Variants in FCAMR observed in about 807,000 individuals in gnomAD.
FCAMR encodes high affinity immunoglobulin alpha and immunoglobulin mu Fc receptor.
FCAMR carries 51 observed loss-of-function variants against 52.2 expected under a neutral mutation model. The ratio of observed to expected loss-of-function variants is 0.98; its 90% CI spans 0.78 to 1.23. FCAMR has a LOEUF of 1.23. Ranked by LOEUF, FCAMR falls within the 50% of genes most tolerant of loss-of-function variation. The pLI is 0.00. For missense variants in FCAMR, 719 were observed against 712.6 expected, an observed-to-expected ratio of 1.01 and a Z score of -0.10; for synonymous variants, 282 against 262.0, an observed-to-expected ratio of 1.08 and a Z score of -0.74.
chr1:206,967,202 G>A (rs1680749697), intron 2 of FCAMR, 90 bp from the exon 3 acceptor site: 1 of 1,395,112 alleles, frequency 7.2e-7, no homozygotes, highest in Non-Finnish European at 1.0e-6. Context: ...CTCACTTTGG[G>A]ATCTCGGTTT....
Position 206,959,673 on chromosome 1 carries a change from A to T in FCAMR, c.1573+6T>A, listed in dbSNP as rs750446600. ...TTCTATCTAGCCTTGGGGCTACTCA[A>T]CTCACAGGTCCTCCTTCTCCAGAGC... On this transcript the variant is annotated splice_donor_region_variant and intron_variant, in intron 7 of 7. Coordinates refer to ENST00000324852, the MANE Select transcript of FCAMR (RefSeq NM_001170631.2). 3 of 1,611,414 alleles carry T rather than the reference A, an allele frequency of 1.9e-6. No homozygotes were observed.
chr1:206,966,732 G>A (rs1370638609), intron 3 of FCAMR, among the ~76,000 whole-genome samples: 3 of 152,180 alleles, frequency 2.0e-5, no homozygotes, highest in African/African-American at 7.2e-5. Context: ...TTTTAAGCCA[G>A]TTGTTAATCC....
intron 1 of FCAMR, among the ~76,000 whole-genome samples, chr1:206,968,290 T>A (rs558847712): frequency 2.0e-5 from 3 of 152,272 alleles, no homozygotes; most frequent in African/African-American, 7.2e-5. Flanking sequence ...AGTGAGCCCG[T>A]GCCACTGCAC....
In FCAMR at chr1:206,970,403, G is replaced by A. The variant is rs1680890729; in HGVS notation, c.-278C>T. The A allele has an allele frequency of 4.9e-6, 2 of 406,630 alleles. No individual in the cohort carries two copies. The highest frequency in any genetic ancestry group is 8.8e-6 in the Non-Finnish European group (2 of 227,178). The allele number at this position is 406,630 out of a possible 1,614,324, so 25.2% of individuals were successfully genotyped here. On this transcript the variant is annotated 5_prime_UTR_variant, in exon 1 of 8. Transcript: ENST00000324852. ...ACTTATTCCTGAAGAACTTTTCCAG[G>A]AGTGGTAACAGTAGCTTCAAAAAAG...
At chr1:206,962,180 A>G in intron 5 of FCAMR, 33 bp downstream of exon 5, 1 of 1,595,820 alleles carries the variant, frequency 6.3e-7, no homozygotes, top group Non-Finnish European at 8.6e-7. Context: ...AACGTGCTTC[A>G]CCAAGCTTGG....
At chr1:206,967,794 A>G in intron 1 of FCAMR, 143 bp from the exon 2 acceptor site, 2 of 728,052 alleles carry the variant, frequency 2.7e-6, no homozygotes, top group Non-Finnish European at 4.7e-6. Context: ...TTTCTTCTCC[A>G]CAACTTCTAG....
At chr1:206,959,261 G>A (rs1337138829) in intron 7 of FCAMR, among the ~76,000 whole-genome samples, 1 of 152,184 alleles carries the variant, frequency 6.6e-6, no homozygotes, top group African/African-American at 2.4e-5. Context: ...AGGATCACTT[G>A]ATGTCAAGAG....
Position 206,967,605 on chromosome 1 carries a change from G to A in FCAMR, c.86C>T (p.Ala29Val), listed in dbSNP as rs767169512. 3 of 1,614,158 alleles carry A rather than the reference G, an allele frequency of 1.9e-6. No homozygotes were observed. Among genetic ancestry groups the A allele is most frequent in the Non-Finnish European group, 2.5e-6 (3 of 1,179,980 alleles). The part of the protein sequence containing the change: ...GREVDYSRLI[A>V]GTLPQSHVTS... ...TACGTGAGATTGTGGTAAAGTGCCAGCAATGAGCCTGGAGTAGTCCACTTC... is the reference window on the plus strand; with the variant it reads ...TACGTGAGATTGTGGTAAAGTGCCAACAATGAGCCTGGAGTAGTCCACTTC... Residue 29 changes from alanine to valine, a missense_variant, in exon 2 of 8, where the codon GCT (alanine) becomes GTT (valine). Physicochemically the swap from Ala to Val is moderately conservative, Grantham distance 64. Transcript: ENST00000324852.
chr1:206,969,566 C>T (rs1019289624), intron 1 of FCAMR, among the ~76,000 whole-genome samples: 1 of 152,188 alleles, frequency 6.6e-6, no homozygotes, highest in African/African-American at 2.4e-5. Context: ...TGCACCTCAC[C>T]TCAGCTTCAG....
intron 1 of FCAMR, chr1:206,969,081 G>A (rs992991122): frequency 3.5e-6 from 1 of 284,996 alleles, no homozygotes; most frequent in Admixed American, 4.4e-5. Context: ...CAGGGTGTTT[G>A]TTCCTGCACC....
At chr1:206,967,823 C>G (rs1005501190) in intron 1 of FCAMR, among the ~76,000 whole-genome samples, 172 bp from the exon 2 acceptor site, 1 of 152,226 alleles carries the variant, frequency 6.6e-6, no homozygotes, top group Non-Finnish European at 1.5e-5. Flanking sequence ...CTCTGTCCCC[C>G]CATCCACACT....
intron 6 of FCAMR, chr1:206,960,184 G>C: frequency 1.8e-6 from 1 of 545,968 alleles, no homozygotes; most frequent in Non-Finnish European, 3.2e-6. Flanking sequence ...TCCTAATGAA[G>C]GTTCCAGCCT....
At chr1:206,965,899 A>G in intron 3 of FCAMR, 41 bp from the exon 4 acceptor site, 1 of 1,609,496 alleles carries the variant, frequency 6.2e-7, no homozygotes, top group Non-Finnish European at 8.5e-7. Flanking sequence ...GGGGCCATCC[A>G]TGTGTCCACA....
At chr1:206,969,775 T>C (rs1301594873) in intron 1 of FCAMR, among the ~76,000 whole-genome samples, 1 of 152,242 alleles carries the variant, frequency 6.6e-6, no homozygotes, top group African/African-American at 2.4e-5. Context: ...GCCAATGTTC[T>C]GTTCCTCTCC....
Position 206,967,658 on chromosome 1 carries a change from G to T in FCAMR, c.40-7C>A. 6.2e-7 allele frequency: 1 copy of T among 1,613,930 alleles called. No homozygotes were observed. Among genetic ancestry groups the T allele is most frequent in the South Asian group, 1.1e-5 (1 of 91,032 alleles). ...TTCCTCTCCTCACCACTTCCTGTTTGCAGAAGGGGAATTGGTTTTTTCAAG... is the reference window on the plus strand; with the variant it reads ...TTCCTCTCCTCACCACTTCCTGTTTTCAGAAGGGGAATTGGTTTTTTCAAG... On this transcript the variant is annotated splice_region_variant and splice_polypyrimidine_tract_variant and intron_variant, in intron 1 of 7. Transcript: ENST00000324852.
chr1:206,968,904 T>C (rs1680820004), intron 1 of FCAMR, among the ~76,000 whole-genome samples: 1 of 152,222 alleles, frequency 6.6e-6, no homozygotes, highest in Admixed American at 6.5e-5. Flanking sequence ...TTCCCTGCTC[T>C]ACCCAGTTTG....
Position 206,958,581 on chromosome 1 carries a change from G to C in FCAMR, c.1669C>G (p.Leu557Val). The change falls in exon 8 of 8, where the codon CTC becomes GTC. Residue 557 changes from leucine to valine, a missense_variant. Leu to Val is a conservative substitution (Grantham distance 32). Transcript: ENST00000324852. Reference sequence around the variant, plus strand: ...CCAGCAGGAAGAGAGTCATCCTGGAGCATCTTTCTTTCCACATGGGGCAGC... The same window carrying C: ...CCAGCAGGAAGAGAGTCATCCTGGACCATCTTTCTTTCCACATGGGGCAGC... The part of the protein sequence containing the change: ...DQLPHVERKM[L>V]QDDSLPAGAS... 6.2e-7 allele frequency: 1 copy of C among 1,613,820 alleles called. No homozygotes were observed. The highest frequency in any genetic ancestry group is 1.1e-5 in the South Asian group (1 of 91,052).
Position 206,970,222 on chromosome 1 carries a change from T to G in FCAMR, c.-97A>C, listed in dbSNP as rs1226076980. ...GTTGCTCTCCTTTAAACCTGGAGAC[T>G]GAGAAGTCAAGGTGGTATTTTGGAA... On this transcript the variant is annotated 5_prime_UTR_variant, in exon 1 of 8. Transcript: ENST00000324852. 6 of 1,425,844 alleles carry G rather than the reference T, an allele frequency of 4.2e-6. No individual in the cohort carries two copies. The East Asian group carries it at 1.4e-4, about 33-fold the overall frequency. The allele number at this position is 1,425,844 out of a possible 1,614,324, so 88.3% of individuals were successfully genotyped here. A position where few individuals can be genotyped will look rare whatever the true frequency, so the allele number is the denominator to read the frequency against.
At chr1:206,959,078 C>A in intron 7 of FCAMR, 1 of 404,098 alleles carries the variant, frequency 2.5e-6, no homozygotes, top group Non-Finnish European at 5.0e-6. Flanking sequence ...GCTTATGAGG[C>A]TTATGGTTAA....
Sources: gnomAD v4.1 joint callset for allele counts (sites outside exome capture counted in the v4.1 genomes callset) on GRCh38, gnomAD v4.1.1 for gene constraint, MANE v1.5 for transcripts, NCBI Gene and HGNC (gene_info 2026-07-23, HGNC 2026-07-21) for gene names.